CALN1: variants seen among roughly 807,000 people sequenced by gnomAD.
CALN1 encodes the protein calneuron 1.
A neutral mutation model predicts 30.6 loss-of-function variants in CALN1; 17 were observed. The observed-to-expected ratio is 0.56, with a 90% CI of 0.38 to 0.83. The LOEUF (loss-of-function observed/expected upper bound fraction) is 0.83. Ranked by LOEUF, CALN1 falls within the 40% of genes least tolerant of loss-of-function variation. The pLI, the probability that CALN1 is intolerant of heterozygous loss-of-function variation, is 0.00. For missense variants in CALN1, 291 were observed against 354.9 expected (o/e 0.82, Z 1.45); for synonymous variants, 156 against 131.4 (o/e 1.19, Z -1.28).
chr7:72,490,168 G>C, the CALN1 span, among the ~76,000 whole-genome samples: 1 of 152,188 alleles, frequency 6.6e-6, no homozygotes, highest in Non-Finnish European at 1.5e-5. Flanking sequence ...GAGTCCTCCA[G>C]AAATGGTCGT....
In CALN1 at chr7:72,378,402, G is replaced by T. The variant is rs889562166; in HGVS notation, c.119+24849C>A. On this transcript the variant is annotated intron_variant, in intron 2 of 6. Transcript: ENST00000395275. Reference sequence around the variant, plus strand: ...TTCTTGAATAAGTGCTTCCTGGGTTGCTGCCAGCTTTTGACTAGTTTCCAG... The same window carrying T: ...TTCTTGAATAAGTGCTTCCTGGGTTTCTGCCAGCTTTTGACTAGTTTCCAG... 2.6e-5 allele frequency among the ~76,000 whole-genome samples: 4 copies of T among 152,212 alleles called. No individual in the cohort carries two copies. In the Middle Eastern group the frequency reaches 0.014, roughly 518 times the overall value.
At chr7:71,910,734 T>A (rs1440775571) in intron 5 of CALN1, among the ~76,000 whole-genome samples, 1 of 152,188 alleles carries the variant, frequency 6.6e-6, no homozygotes, top group Non-Finnish European at 1.5e-5. Flanking sequence ...GTTAATTTCC[T>A]CTTGTCCAGT....
intron 2 of CALN1, among the ~76,000 whole-genome samples, chr7:72,300,873 A>T (rs549087478): frequency 7.8e-4 from 118 of 152,188 alleles, no homozygotes; most frequent in African/African-American, 2.6e-3. Context: ...CGTGCCTGTA[A>T]TCCCAGCTAC....
chr7:72,335,997 G>A (rs1802001042), intron 2 of CALN1, among the ~76,000 whole-genome samples: 2 of 152,206 alleles, frequency 1.3e-5, no homozygotes, highest in Non-Finnish European at 2.9e-5. Flanking sequence ...ACTGTCCGGG[G>A]AAGACGGATC....
At chr7:72,283,667 T>C (rs765634768) in intron 2 of CALN1, among the ~76,000 whole-genome samples, 10 of 152,320 alleles carry the variant, frequency 6.6e-5, no homozygotes, top group East Asian at 1.9e-4. Flanking sequence ...ATGAATTAGA[T>C]TGATGCCTGG....
At chr7:71,923,893 C>T (rs570115170) in intron 5 of CALN1, among the ~76,000 whole-genome samples, 2 of 152,038 alleles carry the variant, frequency 1.3e-5, no homozygotes, top group African/African-American at 4.8e-5. Flanking sequence ...AGTTTGCAGT[C>T]CAAGATTAGG....
chr7:72,356,424 G>A (rs577497460), intron 2 of CALN1, among the ~76,000 whole-genome samples: 2 of 151,952 alleles, frequency 1.3e-5, no homozygotes, highest in African/African-American at 4.8e-5. Flanking sequence ...GTGTTCTAAG[G>A]TCCTTGCAAC....
intron 4 of CALN1, among the ~76,000 whole-genome samples, chr7:72,104,402 CTTTTA>C (rs779298933): frequency 6.6e-6 from 1 of 152,088 alleles, no homozygotes; most frequent in Non-Finnish European, 1.5e-5. Context: ...TTTCCTTCAA[CTTTTA>C]TTTTAAGTTC....
intron 1 of CALN1, among the ~76,000 whole-genome samples, chr7:72,443,198 C>CT (rs1433413833): frequency 6.6e-6 from 1 of 152,170 alleles, no homozygotes; most frequent in Non-Finnish European, 1.5e-5. Flanking sequence ...TACAATTTAC[C>CT]TTTCGTGACT....
chr7:72,061,178 T>C (rs1184801292), intron 4 of CALN1, among the ~76,000 whole-genome samples: 2 of 152,170 alleles, frequency 1.3e-5, no homozygotes, highest in Non-Finnish European at 2.9e-5. Context: ...CTCTGGAGGA[T>C]TTAAAGAAGA....
At chr7:72,037,401 C>T (rs1284474959) in intron 4 of CALN1, among the ~76,000 whole-genome samples, 6 of 152,184 alleles carry the variant, frequency 3.9e-5, no homozygotes, top group South Asian at 2.1e-4. Context: ...CCACCCGCCT[C>T]GGCCTCCCAA....
At chr7:71,991,738 C>T (rs920049731) in intron 5 of CALN1, among the ~76,000 whole-genome samples, 3 of 152,224 alleles carry the variant, frequency 2.0e-5, no homozygotes, top group Non-Finnish European at 1.5e-5. Context: ...AGGCATTCTG[C>T]CTACAATTTT....
chr7:72,128,176 C>T (rs1295014032), intron 3 of CALN1, among the ~76,000 whole-genome samples: 1 of 152,094 alleles, frequency 6.6e-6, no homozygotes, highest in Non-Finnish European at 1.5e-5. Flanking sequence ...TTATTACAGC[C>T]TCATTTGTAA....
intron 6 of CALN1, 109 bp downstream of exon 6, chr7:71,810,227 C>T (rs1787867663): frequency 5.6e-6 from 7 of 1,252,954 alleles, no homozygotes; most frequent in Non-Finnish European, 7.7e-6. Flanking sequence ...GGCTTCAGTA[C>T]AAGGGAACAT....
At position 71,852,321 on chromosome 7, in the gene CALN1, A is replaced by G. The variant is rs116083106; in HGVS notation, c.502-41829T>C. ...TAGGAGAAGAATGTTTGGGTTAAAG[A>G]ACAAGTATGTATTTAGCTTTATAAG... On this transcript the variant is annotated intron_variant, in intron 5 of 6. Coordinates refer to ENST00000395275, the MANE Select transcript of CALN1 (RefSeq NM_031468.4). Among the ~76,000 whole-genome samples the G allele has an allele frequency of 1.9e-3, 292 of 152,152 alleles. 2 individuals are homozygous for G. The highest frequency in any genetic ancestry group is 6.7e-3 in the African/African-American group (279 of 41,518).
At chr7:72,019,553 C>T (rs1250570554) in intron 5 of CALN1, among the ~76,000 whole-genome samples, 2 of 152,186 alleles carry the variant, frequency 1.3e-5, no homozygotes, top group African/African-American at 2.4e-5. Flanking sequence ...AACTGGCTGC[C>T]ATGTCAGGAG....
At chr7:72,317,162 GGGGA>G (rs1314892137) in intron 2 of CALN1, among the ~76,000 whole-genome samples, 6 of 133,596 alleles carry the variant, frequency 4.5e-5, no homozygotes, top group African/African-American at 8.4e-5. Flanking sequence ...GAAGGGAGCA[GGGGA>G]GGGAGGGAGG....
intron 2 of CALN1, among the ~76,000 whole-genome samples, chr7:72,292,279 C>G (rs561545213): frequency 1.2e-3 from 185 of 151,882 alleles, no homozygotes; most frequent in Non-Finnish European, 2.4e-3. Flanking sequence ...TTGATGAAGA[C>G]CCTCTTCCTG....
At chr7:72,078,800 G>T (rs1584896546) in intron 4 of CALN1, among the ~76,000 whole-genome samples, 1 of 152,200 alleles carries the variant, frequency 6.6e-6, no homozygotes, top group Non-Finnish European at 1.5e-5. Flanking sequence ...GTTGGGCGTG[G>T]TGGCAGGCAC....
Sources: allele counts gnomAD v4.1 joint callset (sites outside exome capture counted in the v4.1 genomes callset), GRCh38; gene constraint gnomAD v4.1.1; transcripts MANE v1.5; gene names NCBI Gene and HGNC (gene_info 2026-07-23, HGNC 2026-07-21).